The following NTM variants were observed in gnomAD, a reference collection of about 807,000 sequenced individuals.
NTM encodes IgLON family member 2.
A neutral mutation model predicts 42.1 loss-of-function variants in NTM; 13 were observed. The observed-to-expected ratio is 0.31, with a 90% confidence interval of 0.20 to 0.49. The LOEUF is 0.49. NTM is among the 20% of genes least tolerant of loss of function. NTM has a pLI of 0.99. For synonymous variants in NTM, 187 were observed against 179.2 expected (o/e 1.04, Z -0.35); for missense variants, 373 against 452.8 (o/e 0.82, Z 1.60).
chr11:131,787,871 A>G (rs1319454079), intron 1 of NTM, among the ~76,000 whole-genome samples: 1 of 152,188 alleles, frequency 6.6e-6, no homozygotes, highest in East Asian at 1.9e-4. Flanking sequence ...GAATTTTGGT[A>G]GTTAGCATTT....
Position 132,234,049 on chromosome 11 carries a change from A to T in NTM, c.526+21902A>T, listed in dbSNP as rs1031770284. Among the ~76,000 whole-genome samples the T allele has an allele frequency of 2.6e-5, 4 of 152,284 alleles. No individual in the cohort carries two copies. The South Asian group carries it at 6.2e-4, about 24-fold the overall frequency. ...TTTCTTGCCTCGTCCCTGACTAGTC[A>T]TCTCTGCCTCCATCTTCATTATGCA... is the stretch of plus-strand genomic sequence containing the variant. On this transcript the variant is annotated intron_variant, in intron 4 of 8. Coordinates refer to ENST00000683400, the MANE Select transcript of NTM (RefSeq NM_001352005.2).
intron 2 of NTM, among the ~76,000 whole-genome samples, chr11:131,995,884 A>G (rs1314372147): frequency 6.6e-6 from 1 of 152,096 alleles, no homozygotes; most frequent in Non-Finnish European, 1.5e-5. Context: ...CAGGTAAGGG[A>G]GCAGTCCTGC....
chr11:131,905,508 C>T (rs1391939019), intron 1 of NTM, among the ~76,000 whole-genome samples: 4 of 152,116 alleles, frequency 2.6e-5, no homozygotes, highest in South Asian at 2.1e-4. Flanking sequence ...CCACGAGATT[C>T]CTGCCCATGC....
At chr11:131,818,474 T>C (rs1292374696) in intron 1 of NTM, among the ~76,000 whole-genome samples, 1 of 152,150 alleles carries the variant, frequency 6.6e-6, no homozygotes, top group East Asian at 1.9e-4. Context: ...TGGATTTGTA[T>C]AGCTGGATAG....
At chr11:131,380,234 A>G (rs1942489753) in intron 1 of NTM, among the ~76,000 whole-genome samples, 1 of 128,134 alleles carries the variant, frequency 7.8e-6, no homozygotes, top group Admixed American at 8.4e-5. Flanking sequence ...TTTTTTTGAG[A>G]TGGAGTCTCC....
At chr11:131,432,886 CTCTG>C (rs1948793007) in intron 1 of NTM, among the ~76,000 whole-genome samples, 4 of 96,736 alleles carry the variant, frequency 4.1e-5, no homozygotes, top group African/African-American at 8.2e-5. Flanking sequence ...CGGAGTCTCA[CTCTG>C]TTTGCCCAGG....
At chr11:132,170,749 C>G (rs2075999875) in intron 3 of NTM, among the ~76,000 whole-genome samples, 1 of 151,968 alleles carries the variant, frequency 6.6e-6, no homozygotes, top group Non-Finnish European at 1.5e-5. Flanking sequence ...AGGTGGGATA[C>G]CTAGCATTGG....
intron 4 of NTM, among the ~76,000 whole-genome samples, chr11:132,247,427 A>G (rs532113195): frequency 6.6e-6 from 1 of 152,350 alleles, no homozygotes; most frequent in African/African-American, 2.4e-5. Context: ...GGTTGTAAGC[A>G]AGCAATCAGT....
intron 2 of NTM, among the ~76,000 whole-genome samples, chr11:131,976,258 G>T (rs2064367079): frequency 6.6e-6 from 1 of 151,996 alleles, no homozygotes; most frequent in Non-Finnish European, 1.5e-5. Context: ...GGTGATAAGA[G>T]CACAAAGGGG....
chr11:132,262,865 T>C (rs2092951213), intron 4 of NTM, among the ~76,000 whole-genome samples: 1 of 152,324 alleles, frequency 6.6e-6, no homozygotes, highest in Non-Finnish European at 1.5e-5. Context: ...CATTTAAATA[T>C]CATCTTAATC....
intron 1 of NTM, among the ~76,000 whole-genome samples, chr11:131,665,024 G>C (rs1331703158): frequency 6.6e-6 from 1 of 152,104 alleles, no homozygotes; most frequent in Non-Finnish European, 1.5e-5. Flanking sequence ...CCACGGATGG[G>C]TACCCACCAA....
chr11:131,620,975 G>A (rs143711954), intron 1 of NTM, among the ~76,000 whole-genome samples: 1,633 of 152,154 alleles, frequency 0.011, 33 homozygotes, highest in African/African-American at 0.038. Flanking sequence ...TACGCTAACC[G>A]GTGCAGCACT....
chr11:131,883,121 C>T (rs1054524687), intron 1 of NTM, among the ~76,000 whole-genome samples: 1 of 152,176 alleles, frequency 6.6e-6, no homozygotes, highest in Admixed American at 6.5e-5. Context: ...CAAACCGTCC[C>T]CATGAATGAG....
At chr11:131,995,589 G>A (rs113272538) in intron 2 of NTM, among the ~76,000 whole-genome samples, 2,890 of 152,128 alleles carry the variant, frequency 0.019, 96 homozygotes, top group African/African-American at 0.066. Context: ...AGATGGGGAA[G>A]CGGGGCCAAG....
intron 1 of NTM, among the ~76,000 whole-genome samples, chr11:131,750,535 C>A (rs1356466860): frequency 6.6e-6 from 1 of 152,206 alleles, no homozygotes; most frequent in East Asian, 1.9e-4. Flanking sequence ...AGCCAGAGAC[C>A]AAGTGGCCTC....
intron 1 of NTM, among the ~76,000 whole-genome samples, chr11:131,609,795 C>CTTAAGTAGCA (rs2061326020): frequency 6.6e-6 from 1 of 152,234 alleles, no homozygotes; most frequent in East Asian, 1.9e-4. Context: ...CCCTAGTTCA[C>CTTAAGTAGCA]TTAATATAAA....
At chr11:132,295,803 G>A (rs890654538) in intron 4 of NTM, among the ~76,000 whole-genome samples, 2 of 152,138 alleles carry the variant, frequency 1.3e-5, no homozygotes, top group East Asian at 3.9e-4. Context: ...AGCAGTGGTA[G>A]GATTTAAGCA....
chr11:132,141,858 C>T (rs2069226362), intron 2 of NTM, among the ~76,000 whole-genome samples: 1 of 152,138 alleles, frequency 6.6e-6, no homozygotes, highest in African/African-American at 2.4e-5. Context: ...TCCACGGGGG[C>T]CACACACAGG....
intron 1 of NTM, among the ~76,000 whole-genome samples, chr11:131,789,899 T>G (rs373302323): frequency 9.1e-4 from 118 of 128,966 alleles, no homozygotes; most frequent in African/African-American, 1.5e-3. Context: ...GAGCTTGCAG[T>G]GAGCCGAGAT....
Sources: gnomAD v4.1 joint callset for allele counts (sites outside exome capture counted in the v4.1 genomes callset) on GRCh38, gnomAD v4.1.1 for gene constraint, MANE v1.5 for transcripts, NCBI Gene and HGNC (gene_info 2026-07-23, HGNC 2026-07-21) for gene names.